The following ERBB4 variants were observed in gnomAD, a reference collection of about 807,000 sequenced individuals.
ERBB4 encodes the protein receptor tyrosine-protein kinase erbB-4.
ERBB4 carries 42 observed loss-of-function variants against 158.0 expected under a neutral mutation model. That is an observed-to-expected ratio of 0.27 (90% confidence interval 0.21 to 0.34). The LOEUF is 0.34. ERBB4 is among the 10% of genes least tolerant of loss of function. The pLI is 1.00. For missense variants in ERBB4, 1,333 were observed against 1,624.1 expected (o/e 0.82, Z 3.08); for synonymous variants, 583 against 558.7 (o/e 1.04, Z -0.61).
intron 3 of ERBB4, among the ~76,000 whole-genome samples, chr2:211,843,074 C>T (rs2077510314): frequency 6.6e-6 from 1 of 152,070 alleles, no homozygotes; most frequent in Admixed American, 6.6e-5. Context: ...TCAAAATTAA[C>T]TTTTGACTAA....
rs2062574523 is a variant in ERBB4, at chr2:211,381,586, G to A, written c.*2029C>T. ...ATCTCCTAGATCATAGAATTTTGAA[G>A]TTGAGGATGATATTCCATTTATCTG... On this transcript the variant is annotated 3_prime_UTR_variant, in exon 28 of 28. Transcript: ENST00000342788. 2 of 231,036 alleles carry A rather than the reference G, an allele frequency of 8.7e-6. No individual in the cohort carries two copies. Among genetic ancestry groups the A allele is most frequent in the African/African-American group, 2.2e-5 (1 of 45,234 alleles). The allele number at this position is 231,036 out of a possible 1,614,324, so 14.3% of individuals were successfully genotyped here. A position where few individuals can be genotyped will look rare whatever the true frequency, so the allele number is the denominator to read the frequency against.
chr2:211,911,364 T>C (rs1235988965), intron 3 of ERBB4, among the ~76,000 whole-genome samples: 19 of 152,116 alleles, frequency 1.2e-4, no homozygotes, highest in Admixed American at 1.2e-3. Context: ...TCACCTGGGC[T>C]CCAGTGATCC....
intron 1 of ERBB4, among the ~76,000 whole-genome samples, chr2:212,498,128 GT>G (rs200404668): frequency 0.018 from 2,683 of 152,148 alleles, 72 homozygotes; most frequent in African/African-American, 0.06. Context: ...GTGTGTGTGT[GT>G]GTGTGTATGT....
At chr2:211,636,808 T>C (rs1013664166) in intron 16 of ERBB4, among the ~76,000 whole-genome samples, 2 of 152,052 alleles carry the variant, frequency 1.3e-5, no homozygotes, top group Non-Finnish European at 1.5e-5. Context: ...AATAATTCTA[T>C]GAAATCTGAC....
At chr2:211,985,255 T>A (rs1436735101) in intron 2 of ERBB4, among the ~76,000 whole-genome samples, 3 of 151,720 alleles carry the variant, frequency 2.0e-5, no homozygotes, top group African/African-American at 7.3e-5. Context: ...TGTGATAGAC[T>A]GAAGAGGGAA....
At chr2:212,180,913 C>T in intron 1 of ERBB4, among the ~76,000 whole-genome samples, 1 of 151,650 alleles carries the variant, frequency 6.6e-6, no homozygotes, top group East Asian at 1.9e-4. Flanking sequence ...TACAGTAATT[C>T]CATTATACTA....
chr2:212,524,638 C>T (rs1351116606), intron 1 of ERBB4, among the ~76,000 whole-genome samples: 2 of 151,882 alleles, frequency 1.3e-5, no homozygotes, highest in Non-Finnish European at 2.9e-5. Flanking sequence ...TTCTCCTAGG[C>T]TAATTCAATA....
chr2:211,397,757 G>A (rs1469378584), intron 25 of ERBB4, among the ~76,000 whole-genome samples: 1 of 152,110 alleles, frequency 6.6e-6, no homozygotes, highest in African/African-American at 2.4e-5. Flanking sequence ...GTGGAAAATA[G>A]GACTGTATTG....
chr2:212,324,808 A>T (rs1338962337), intron 1 of ERBB4, among the ~76,000 whole-genome samples: 1 of 150,616 alleles, frequency 6.6e-6, no homozygotes, highest in Non-Finnish European at 1.5e-5. Context: ...ATTCAGTTTT[A>T]CAGAATTTAT....
intron 1 of ERBB4, among the ~76,000 whole-genome samples, chr2:212,399,833 C>G (rs922160377): frequency 6.6e-6 from 1 of 151,504 alleles, no homozygotes; most frequent in Non-Finnish European, 1.5e-5. Context: ...GAGCCGAGAT[C>G]GTGCCACTGC....
intron 1 of ERBB4, among the ~76,000 whole-genome samples, chr2:212,276,249 A>C (rs1300479900): frequency 6.6e-6 from 1 of 151,790 alleles, no homozygotes; most frequent in Non-Finnish European, 1.5e-5. Context: ...TTTTTAATTT[A>C]ATTAAAGAAA....
At chr2:211,416,752 T>C (rs2063401453) in intron 25 of ERBB4, among the ~76,000 whole-genome samples, 1 of 152,054 alleles carries the variant, frequency 6.6e-6, no homozygotes, top group African/African-American at 2.4e-5. Flanking sequence ...GGCTTCTAGT[T>C]ATCCTGCCTA....
At chr2:211,561,687 A>G (rs777934450) in intron 20 of ERBB4, 29 of 552,034 alleles carry the variant, frequency 5.3e-5, no homozygotes, top group African/African-American at 9.4e-5. Context: ...AGTCAATTCA[A>G]TAAAAATGAT....
At chr2:212,414,164 C>A (rs1405929672) in intron 1 of ERBB4, among the ~76,000 whole-genome samples, 1 of 152,130 alleles carries the variant, frequency 6.6e-6, no homozygotes, top group African/African-American at 2.4e-5. Flanking sequence ...CTGAAAATAC[C>A]TGACTGCTAT....
intron 4 of ERBB4, among the ~76,000 whole-genome samples, chr2:211,763,767 A>T (rs957409794): frequency 6.6e-6 from 1 of 151,984 alleles, no homozygotes; most frequent in Non-Finnish European, 1.5e-5. Flanking sequence ...AAGATTAGGT[A>T]GCTCCACACC....
At chr2:211,541,453 C>G (rs983280109) in intron 20 of ERBB4, among the ~76,000 whole-genome samples, 1 of 151,868 alleles carries the variant, frequency 6.6e-6, no homozygotes, top group African/African-American at 2.4e-5. Context: ...TTTCACTGGT[C>G]TTTTTTTATA....
At chr2:212,199,458 C>T (rs1400720231) in intron 1 of ERBB4, among the ~76,000 whole-genome samples, 1 of 152,166 alleles carries the variant, frequency 6.6e-6, no homozygotes, top group Non-Finnish European at 1.5e-5. Flanking sequence ...TAAATTATAT[C>T]ACAATTTGTA....
At chr2:212,520,612 A>G (rs1692104214) in intron 1 of ERBB4, among the ~76,000 whole-genome samples, 1 of 151,920 alleles carries the variant, frequency 6.6e-6, no homozygotes, top group Non-Finnish European at 1.5e-5. Context: ...CTCAGTCTAA[A>G]AAAATAGCTT....
At chr2:212,347,864 A>AG (rs35097981) in intron 1 of ERBB4, among the ~76,000 whole-genome samples, 5 of 152,084 alleles carry the variant, frequency 3.3e-5, no homozygotes, top group African/African-American at 1.2e-4. Flanking sequence ...TGGTCTTTTA[A>AG]GGGGGGAAAG....
Sources: gnomAD v4.1 joint callset for allele counts (sites outside exome capture counted in the v4.1 genomes callset) on GRCh38, gnomAD v4.1.1 for gene constraint, MANE v1.5 for transcripts, NCBI Gene and HGNC (gene_info 2026-07-23, HGNC 2026-07-21) for gene names.